Variants in PRC1 observed in about 807,000 individuals in gnomAD.
PRC1 encodes anaphase spindle elongation 1 homolog.
A neutral mutation model predicts 91.2 loss-of-function variants in PRC1; 54 were observed. The observed-to-expected ratio is 0.59, with a 90% confidence interval of 0.48 to 0.74. PRC1 has a LOEUF of 0.74. Ranked by LOEUF, PRC1 falls within the 30% of genes least tolerant of loss-of-function variation. The pLI is 0.00. For synonymous variants in PRC1, 275 were observed against 263.6 expected, an observed-to-expected ratio of 1.04 and a Z score of -0.42; for missense variants, 727 against 746.2, an observed-to-expected ratio of 0.97 and a Z score of 0.30.
At chr15:90,989,139 T>C (rs1036714755) in intron 1 of PRC1, among the ~76,000 whole-genome samples, 4 of 151,922 alleles carry the variant, frequency 2.6e-5, no homozygotes, top group East Asian at 1.9e-4. Context: ...TAAAAAAAAA[T>C]ATATAGCAAA....
chr15:90,969,164 A>G, intron 13 of PRC1, 44 bp from the exon 14 acceptor site: 6 of 1,573,482 alleles, frequency 3.8e-6, no homozygotes, highest in Non-Finnish European at 4.4e-6. Flanking sequence ...CTCCACCAAG[A>G]GAGCACCAGG....
rs1029659388 is a variant in PRC1 at position 90,980,497 on chromosome 15, T to C, written c.823-108A>G. 34 of 1,165,238 alleles carry C rather than the reference T, an allele frequency of 2.9e-5. 1 individual carries two copies. In the African/African-American group the frequency reaches 3.7e-4, roughly 13 times the overall value. The allele number at this position is 1,165,238 out of a possible 1,614,324, so 72.2% of individuals were successfully genotyped here. On this transcript the variant is annotated intron_variant, in intron 6 of 14. Transcript: ENST00000394249. ...AAATTATAATGCAAAGCCACAAAGG[T>C]ATTATAAATCAACACTTTTTTTTTT... is the stretch of plus-strand genomic sequence containing the variant.
chr15:90,974,205 A>G lies in PRC1; in HGVS notation c.1392T>C (p.Tyr464=), dbSNP rs200697807. Residue 464 remains tyrosine, a synonymous_variant, in exon 11 of 15, where the codon TAT becomes TAC. Coordinates refer to ENST00000394249, the MANE Select transcript of PRC1 (RefSeq NM_003981.4). This position sits in a 1 kb window ranked among gnomAD's most constrained non-coding sequence, Gnocchi z 4.6. ...NKKQTETEML[Y]GSAPRTPSKR... ...TGCTAGGTGTTCGAGGAGCGCTGCC[A>G]TACAGCATCTCTGTCTCTGTCTGTT... is the stretch of plus-strand genomic sequence containing the variant. 2 of 1,614,216 alleles carry G rather than the reference A, an allele frequency of 1.2e-6. No individual in the cohort carries two copies. Among genetic ancestry groups the G allele is most frequent in the East Asian group, 2.2e-5 (1 of 44,884 alleles).
chr15:90,976,817 G>T, intron 8 of PRC1, 46 bp from the exon 9 acceptor site: 1 of 1,455,030 alleles, frequency 6.9e-7, no homozygotes, highest in South Asian at 1.1e-5. Context: ...GGCACCATGA[G>T]ACCAATAACT....
At position 90,966,973 on chromosome 15, in the gene PRC1, C is replaced by T; in HGVS notation, c.*158G>A. 1.5e-6 allele frequency: 1 copy of T among 659,148 alleles called. No homozygotes were observed. The highest frequency in any genetic ancestry group is 2.7e-6 in the Non-Finnish European group (1 of 372,548). The allele number at this position is 659,148 out of a possible 1,614,324, so 40.8% of individuals were successfully genotyped here. ...CACTAAACCTATGATGGGCTTTCAA[C>T]TGTAACACTCATTCACATCTTTAAG... is the stretch of plus-strand genomic sequence containing the variant. On this transcript the variant is annotated 3_prime_UTR_variant, in exon 15 of 15. Transcript: ENST00000394249.
At chr15:90,976,479 T>C (rs2038712944) in intron 9 of PRC1, among the ~76,000 whole-genome samples, 197 bp downstream of exon 9, 1 of 152,124 alleles carries the variant, frequency 6.6e-6, no homozygotes, top group Non-Finnish European at 1.5e-5. Flanking sequence ...ACACCTGGCC[T>C]GTAGTGCTTT....
intron 11 of PRC1, among the ~76,000 whole-genome samples, chr15:90,970,881 G>C (rs1487073938): frequency 1.3e-5 from 2 of 152,188 alleles, no homozygotes; most frequent in Non-Finnish European, 2.9e-5. Context: ...CCAAAAGCTG[G>C]CAACAGCCAA....
chr15:90,983,013 T>C (rs760585559), intron 3 of PRC1, among the ~76,000 whole-genome samples: 2 of 152,180 alleles, frequency 1.3e-5, no homozygotes, highest in Non-Finnish European at 2.9e-5. Context: ...CATTGTGAAC[T>C]AGGAACATCA....
Position 90,966,474 on chromosome 15 carries a change from G to A in PRC1, c.*657C>T, listed in dbSNP as rs1434161088. On this transcript the variant is annotated 3_prime_UTR_variant, in exon 15 of 15. Transcript: ENST00000394249. The stretch of plus-strand genomic sequence containing the variant: ...GCCAAGGGACAAACGCCGAGAAAGC[G>A]TTCCGACAAGCATGTGTGTTCATAC... 5 of 404,136 alleles carry A rather than the reference G, an allele frequency of 1.2e-5. No individual in the cohort carries two copies. The highest frequency in any genetic ancestry group is 7.9e-5 in the East Asian group (1 of 12,676). The allele number at this position is 404,136 out of a possible 1,614,324, so 25.0% of individuals were successfully genotyped here. A position where few individuals can be genotyped will look rare whatever the true frequency, so the allele number is the denominator to read the frequency against.
chr15:90,986,794 G>A (rs1458952502), intron 1 of PRC1, among the ~76,000 whole-genome samples: 1 of 151,674 alleles, frequency 6.6e-6, no homozygotes, highest in African/African-American at 2.4e-5. Flanking sequence ...CCTGTAAAGC[G>A]AGTCTGTTTT....
chr15:90,975,275 G>A (rs1596296991), intron 9 of PRC1, among the ~76,000 whole-genome samples: 1 of 152,038 alleles, frequency 6.6e-6, no homozygotes, highest in Admixed American at 6.5e-5. Context: ...GTTAATTTTT[G>A]TATTTTTTAG....
chr15:90,981,250 A>AT (rs1476596488), intron 5 of PRC1: 2 of 701,792 alleles, frequency 2.8e-6, no homozygotes, highest in African/African-American at 3.6e-5. Context: ...AAAAATTTTA[A>AT]TTAAACACTA....
intron 13 of PRC1, 61 bp from the exon 14 acceptor site, chr15:90,969,181 A>G (rs1408798284): frequency 6.5e-7 from 1 of 1,538,664 alleles, no homozygotes; most frequent in African/African-American, 1.4e-5. Flanking sequence ...CAGGACAGTG[A>G]TAGAGGGGTT....
At chr15:90,967,715 A>G (rs2037641385) in intron 14 of PRC1, 1 of 591,206 alleles carries the variant, frequency 1.7e-6, no homozygotes, top group African/African-American at 2.0e-5. Flanking sequence ...GGAAAACGCC[A>G]TACCATATAG....
At chr15:90,973,859 G>T (rs900086671) in intron 11 of PRC1, among the ~76,000 whole-genome samples, 7 of 151,912 alleles carry the variant, frequency 4.6e-5, no homozygotes, top group Non-Finnish European at 1.0e-4. Context: ...TCCTCCTGCC[G>T]CATTCCCCTT....
intron 1 of PRC1, among the ~76,000 whole-genome samples, chr15:90,990,385 T>A (rs1335219096): frequency 2.3e-5 from 3 of 128,322 alleles, no homozygotes; most frequent in Non-Finnish European, 4.6e-5. Flanking sequence ...AATAAATAAA[T>A]AAATAATTTT....
rs781247941 is a variant in PRC1, at chr15:90,981,833, T to C, written c.416A>G (p.His139Arg). The change falls in exon 4 of 15, where the codon CAC becomes CGC. Residue 139 changes from histidine to arginine, a missense_variant. His to Arg is a conservative substitution (Grantham distance 29, BLOSUM62 0). Transcript: ENST00000394249. The stretch of plus-strand genomic sequence containing the variant: ...CACTGAGGCACTGTCAATATCATAG[T>C]GGGGCATACAAAGAATTTCGCACAG... ...QELCEILCMP[H>R]YDIDSASVPS... The C allele has an allele frequency of 1.9e-6, 3 of 1,614,244 alleles. No homozygotes were observed. The highest frequency in any genetic ancestry group is 1.1e-5 in the South Asian group (1 of 91,082).
At chr15:90,967,459 G>C (rs535745491) in intron 14 of PRC1, 2 of 516,392 alleles carry the variant, frequency 3.9e-6, no homozygotes, top group African/African-American at 3.8e-5. Flanking sequence ...CCTCACAGAA[G>C]AGAAATCCTT....
chr15:90,967,749 C>T (rs1339565846), intron 14 of PRC1: 5 of 839,140 alleles, frequency 6.0e-6, no homozygotes, highest in East Asian at 1.2e-4. Context: ...GCTGTTCTGT[C>T]TAGGACTGTT....
Sources: allele counts gnomAD v4.1 joint callset (sites outside exome capture counted in the v4.1 genomes callset), GRCh38; gene constraint gnomAD v4.1.1; non-coding constraint Gnocchi (gnomAD v3.1); transcripts MANE v1.5; gene names NCBI Gene and HGNC (gene_info 2026-07-23, HGNC 2026-07-21).